The following EPCAM variants were observed in gnomAD, a reference collection of about 807,000 sequenced individuals.
The protein encoded by EPCAM is adenocarcinoma-associated antigen.
Under a neutral mutation model 40.0 loss-of-function variants are expected in EPCAM, and 39 were observed. That is an observed-to-expected ratio of 0.98 (90% confidence interval 0.76 to 1.27). The LOEUF is 1.27. Among genes scored for constraint, EPCAM ranks in the 50% most tolerant of loss-of-function variants. The pLI is 0.00. For synonymous variants in EPCAM, 168 were observed against 132.3 expected (o/e 1.27, Z -1.85); for missense variants, 503 against 381.2 (o/e 1.32, Z -2.66).
chr2:47,375,082 G>T (rs1013519148), intron 3 of EPCAM, 152 bp from the exon 4 acceptor site: 2 of 630,540 alleles, frequency 3.2e-6, no homozygotes, highest in South Asian at 1.8e-5. Flanking sequence ...CCTTTATGAA[G>T]GATGTGTAAG....
chr2:47,373,620 T>A (rs1671342351), intron 2 of EPCAM, 50 bp downstream of exon 2: 1 of 1,480,090 alleles, frequency 6.8e-7, no homozygotes, highest in Non-Finnish European at 9.4e-7. Flanking sequence ...ACTTAATACT[T>A]CTTTAATTGA....
At chr2:47,382,888 C>G (rs1671629490) in intron 7 of EPCAM, among the ~76,000 whole-genome samples, 1 of 152,006 alleles carries the variant, frequency 6.6e-6, no homozygotes, top group African/African-American at 2.4e-5. Flanking sequence ...ACTGCATGGT[C>G]CCATTTTTAG....
chr2:47,369,727 C>T (rs373746049), intron 1 of EPCAM, 146 bp downstream of exon 1: 1 of 893,168 alleles, frequency 1.1e-6, no homozygotes. Context: ...TGCGGCCGTG[C>T]TCCGGCTCAG....
intron 5 of EPCAM, among the ~76,000 whole-genome samples, chr2:47,378,097 G>C (rs531625717): frequency 6.6e-6 from 1 of 151,934 alleles, no homozygotes; most frequent in African/African-American, 2.4e-5. Flanking sequence ...CGAATGTGGT[G>C]GTGGGCACCT....
chr2:47,373,440 A>C (rs1432837539), intron 1 of EPCAM, 23 bp from the exon 2 acceptor site: 1 of 1,439,778 alleles, frequency 6.9e-7, no homozygotes, highest in Admixed American at 1.7e-5. Context: ...ATTTTAAAGT[A>C]GATTTTTTTT....
chr2:47,385,289 T>C, intron 8 of EPCAM, 79 bp downstream of exon 8: 2 of 1,146,118 alleles, frequency 1.7e-6, no homozygotes, highest in South Asian at 2.5e-5. Context: ...TACACACTGA[T>C]GCATTTCAGT....
At chr2:47,380,070 C>G (rs553354936) in intron 7 of EPCAM, 101 bp downstream of exon 7, 2 of 1,529,804 alleles carry the variant, frequency 1.3e-6, no homozygotes, top group South Asian at 1.2e-5. Context: ...TATCCCTACA[C>G]TTTGGGAGGC....
intron 1 of EPCAM, among the ~76,000 whole-genome samples, chr2:47,373,016 G>A (rs1671317134): frequency 1.3e-5 from 2 of 151,344 alleles, no homozygotes; most frequent in South Asian, 2.1e-4. Context: ...AACCAGCCTG[G>A]GCAACATGGC....
chr2:47,372,170 A>G (rs1028513244), intron 1 of EPCAM, among the ~76,000 whole-genome samples: 8 of 152,312 alleles, frequency 5.3e-5, no homozygotes, highest in African/African-American at 1.9e-4. Context: ...AGGGAGGACT[A>G]TAACTGCAGT....
chr2:47,384,355 C>T (rs1258870113), intron 7 of EPCAM, among the ~76,000 whole-genome samples: 1 of 151,714 alleles, frequency 6.6e-6, no homozygotes, highest in Non-Finnish European at 1.5e-5. Flanking sequence ...CCACCCACCT[C>T]AGCCTCTGAA....
chr2:47,369,928 C>T (rs544948391), intron 1 of EPCAM: 2 of 406,670 alleles, frequency 4.9e-6, no homozygotes, highest in African/African-American at 4.1e-5. Context: ...GTCCTCGGTT[C>T]GGGGTGGACT....
rs1056538153 is a variant in EPCAM, at chr2:47,373,470, C to G, written c.84C>G (p.Val28=). The part of the protein sequence containing the change: ...ATFAAAQEEC[V]CENYKLAVNC... ...TTTTTTTTAATTTTCTAGAATGTGT[C>G]TGTGAAAACTACAAGCTGGCCGTAA... Residue 28 remains valine, a synonymous_variant, in exon 2 of 9, where the codon GTC becomes GTG. Coordinates refer to ENST00000263735, the MANE Select transcript of EPCAM (RefSeq NM_002354.3). 6.2e-7 allele frequency: 1 copy of G among 1,606,098 alleles called. No individual in the cohort carries two copies. The highest frequency in any genetic ancestry group is 8.5e-7 in the Non-Finnish European group (1 of 1,173,514).
intron 8 of EPCAM, 128 bp downstream of exon 8, chr2:47,385,338 T>C (rs1558441379): frequency 5.1e-6 from 4 of 789,462 alleles, no homozygotes; most frequent in Non-Finnish European, 4.5e-6. Context: ...TTTAGGGTCT[T>C]AGGGACAGTC....
rs1301215885 is a variant in EPCAM at position 47,379,922 on chromosome 2, G to T, written c.811G>T (p.Val271Phe). The change falls in exon 7 of 9, where the codon GTT (valine) becomes TTT (phenylalanine). Residue 271 changes from valine to phenylalanine, a missense_variant. Val to Phe is a conservative substitution (Grantham distance 50). Transcript: ENST00000263735. ...GGGTCTAAAAGCTGGTGTTATTGCT[G>T]TTATTGTGGTTGTGGTGATAGCAGT... ...MQGLKAGVIA[V>F]IVVVVIAVVA... 6.2e-7 allele frequency: 1 copy of T among 1,614,036 alleles called. No individual in the cohort carries two copies. The highest frequency in any genetic ancestry group is 1.7e-5 in the Admixed American group (1 of 59,992).
chr2:47,373,403 C>A, intron 1 of EPCAM, 60 bp from the exon 2 acceptor site: 1 of 1,025,870 alleles, frequency 9.7e-7, no homozygotes, highest in Non-Finnish European at 1.5e-6. Context: ...TATAACTTAG[C>A]TGGGACATGA....
intron 3 of EPCAM, 77 bp downstream of exon 3, chr2:47,374,125 TATG>T: frequency 6.6e-7 from 1 of 1,517,336 alleles, no homozygotes; most frequent in Non-Finnish European, 9.0e-7. Context: ...GATTATGTAA[TATG>T]ATTTCATGGT....
rs976917953 is a variant in EPCAM, at chr2:47,379,005, C to T, written c.608C>T (p.Thr203Ile). The T allele has an allele frequency of 1.2e-6, 2 of 1,605,380 alleles. No individual in the cohort carries two copies. Among genetic ancestry groups the T allele is most frequent in the Non-Finnish European group, 1.7e-6 (2 of 1,172,222 alleles). ...CTGGTTCAAAATTCTTCTCAAAAAA[C>T]TCAGAATGATGTGGACATAGCTGAT... ...IDLVQNSSQKTQNDVDIADVA... is the reference protein window; with the variant it reads ...IDLVQNSSQKIQNDVDIADVA... Residue 203 changes from threonine to isoleucine, a missense_variant, in exon 6 of 9, where the codon ACT becomes ATT. Physicochemically the swap from Thr to Ile is moderately conservative, Grantham distance 89 (BLOSUM62 -1). Coordinates refer to ENST00000263735, the MANE Select transcript of EPCAM (RefSeq NM_002354.3).
intron 5 of EPCAM, among the ~76,000 whole-genome samples, chr2:47,378,093 T>TACTCG (rs1391297537): frequency 3.9e-5 from 6 of 152,006 alleles, no homozygotes; most frequent in African/African-American, 1.4e-4. Context: ...TAGCCGAATG[T>TACTCG]GGTGGTGGGC....
At chr2:47,385,718 C>T (rs781437060) in intron 8 of EPCAM, among the ~76,000 whole-genome samples, 27 of 98,360 alleles carry the variant, frequency 2.7e-4, no homozygotes, top group Non-Finnish European at 1.5e-4. Context: ...TAACATTTTT[C>T]ACATATCTCA....
Sources: allele counts gnomAD v4.1 joint callset (sites outside exome capture counted in the v4.1 genomes callset), GRCh38; gene constraint gnomAD v4.1.1; transcripts MANE v1.5; gene names NCBI Gene and HGNC (gene_info 2026-07-23, HGNC 2026-07-21).